RBM6: variants seen among roughly 807,000 people sequenced by gnomAD.
The protein encoded by RBM6 is RNA binding motif protein 6, also known as RNA-binding protein 6.
Under a neutral mutation model 140.4 loss-of-function variants are expected in RBM6, and 23 were observed. The ratio of observed to expected loss-of-function variants is 0.16; its 90% CI spans 0.12 to 0.23. The LOEUF is 0.23. Ranked by LOEUF, RBM6 falls within the 10% of genes least tolerant of loss-of-function variation. RBM6 has a pLI of 1.00. For missense variants in RBM6, 1,139 were observed against 1,386.7 expected, an observed-to-expected ratio of 0.82 and a Z score of 2.84; for synonymous variants, 439 against 475.6, an observed-to-expected ratio of 0.92 and a Z score of 1.00.
intron 6 of RBM6, 106 bp from the exon 7 acceptor site, chr3:50,048,135 CTCTT>C: frequency 6.7e-7 from 1 of 1,496,580 alleles, no homozygotes; most frequent in Non-Finnish European, 8.9e-7. Flanking sequence ...ATTAAGCTCA[CTCTT>C]TATAAAATGT....
chr3:49,966,149 A>G (rs1435986648), intron 2 of RBM6, among the ~76,000 whole-genome samples: 16 of 151,984 alleles, frequency 1.1e-4, no homozygotes, highest in Admixed American at 1.0e-3. Flanking sequence ...AAGAGAAAGA[A>G]AAGGTTTGGC....
chr3:50,062,105 G>T lies in RBM6; in HGVS notation c.2583G>T (p.Thr861=). 1.2e-6 allele frequency: 2 copies of T among 1,610,736 alleles called. No homozygotes were observed. The highest frequency in any genetic ancestry group is 1.7e-6 in the Non-Finnish European group (2 of 1,178,820). Reference sequence around the variant, plus strand: ...AGGAGAAAAAAGACAGAGGAGTGACGAGGGTAAGAGGAATTGTTAATTTGC... The same window carrying T: ...AGGAGAAAAAAGACAGAGGAGTGACTAGGGTAAGAGGAATTGTTAATTTGC... The part of the protein sequence containing the change: ...DGKEKKDRGV[T]RFQENASEGK... The change falls in exon 15 of 21, where the codon ACG becomes ACT. Residue 861 remains threonine, a synonymous_variant. Coordinates refer to ENST00000266022, the MANE Select transcript of RBM6 (RefSeq NM_005777.3).
chr3:49,951,840 A>T (rs1308796355), intron 1 of RBM6, among the ~76,000 whole-genome samples: 1 of 151,990 alleles, frequency 6.6e-6, no homozygotes, highest in African/African-American at 2.4e-5. Flanking sequence ...CTTCTGCCTC[A>T]ACCTCCCAAG....
At chr3:49,966,088 T>C (rs544126870) in intron 2 of RBM6, among the ~76,000 whole-genome samples, 30 of 152,234 alleles carry the variant, frequency 2.0e-4, no homozygotes, top group African/African-American at 7.0e-4. Flanking sequence ...ATCATGCCAT[T>C]GCACTCCAGC....
chr3:50,011,132 TAGG>T (rs1361345889), intron 6 of RBM6, among the ~76,000 whole-genome samples: 2 of 151,552 alleles, frequency 1.3e-5, no homozygotes, highest in African/African-American at 2.4e-5. Context: ...GAGGCTGAGA[TAGG>T]AGGATCACTT....
intron 6 of RBM6, among the ~76,000 whole-genome samples, chr3:49,999,769 G>GA (rs11293132): frequency 5.5e-4 from 80 of 145,094 alleles, no homozygotes; most frequent in South Asian, 8.9e-4. Flanking sequence ...ACAATAGTTG[G>GA]AAAAAAAAAA....
At position 49,982,606 on chromosome 3, in the gene RBM6, C is replaced by T. The variant is rs564989204; in HGVS notation, c.1483+7214C>T. ...ATTTTTTGTATTTTTTTAGTAGAGA[C>T]GGGGTTTCATCATGTTGGCCAGGCT... On this transcript the variant is annotated intron_variant, in intron 5 of 20. Coordinates refer to ENST00000266022, the MANE Select transcript of RBM6 (RefSeq NM_005777.3). 3.0e-3 allele frequency among the ~76,000 whole-genome samples: 450 copies of T among 151,762 alleles called. 4 individuals are homozygous for T. Among genetic ancestry groups the T allele is most frequent in the Middle Eastern group, 6.8e-3 (2 of 292 alleles).
intron 7 of RBM6, among the ~76,000 whole-genome samples, chr3:50,053,229 T>C (rs1227950182): frequency 1.3e-5 from 2 of 152,018 alleles, no homozygotes; most frequent in African/African-American, 4.8e-5. Context: ...ATACATGGTA[T>C]GTACTATTTA....
chr3:50,044,573 C>T (rs915567784), intron 6 of RBM6, among the ~76,000 whole-genome samples: 3 of 150,602 alleles, frequency 2.0e-5, no homozygotes, highest in Non-Finnish European at 4.4e-5. Context: ...CAGAGCGAGA[C>T]TCCGTCTCAA....
At chr3:50,005,292 T>A (rs12631608) in intron 6 of RBM6, among the ~76,000 whole-genome samples, 10,636 of 151,720 alleles carry the variant, frequency 0.07, 386 homozygotes, top group Non-Finnish European at 0.077. Flanking sequence ...AGCCCAGGAG[T>A]TGAGTCCAGC....
rs2088512178 is a variant in RBM6, at chr3:50,035,922, G to A, written c.1558-12323G>A. ...TTACAGGTGCCCACCACCATGTCTGGCTAATTTTTTTGTATTTTTAATAGA... is the reference window on the plus strand; with the variant it reads ...TTACAGGTGCCCACCACCATGTCTGACTAATTTTTTTGTATTTTTAATAGA... On this transcript the variant is annotated intron_variant, in intron 6 of 20. Transcript: ENST00000266022. Among the ~76,000 whole-genome samples the A allele has an allele frequency of 2.0e-5, 3 of 151,992 alleles. No homozygotes were observed. In the South Asian group the frequency reaches 6.2e-4, roughly 32 times the overall value.
At chr3:50,062,215 A>T in intron 15 of RBM6, 107 bp downstream of exon 15, 1 of 1,349,582 alleles carries the variant, frequency 7.4e-7, no homozygotes, top group Non-Finnish European at 9.9e-7. Flanking sequence ...CTTTAAAAAT[A>T]CTCTGTCAGC....
chr3:49,989,007 A>C (rs1189300369), intron 5 of RBM6, among the ~76,000 whole-genome samples: 1 of 152,158 alleles, frequency 6.6e-6, no homozygotes, highest in Non-Finnish European at 1.5e-5. Context: ...GTGGACTAGC[A>C]GGAATTCATA....
rs2090196536 is a variant in RBM6 at position 50,068,773 on chromosome 3, T to G, written c.3018+9T>G. On this transcript the variant is annotated intron_variant, in intron 18 of 20. Transcript: ENST00000266022. Reference sequence around the variant, plus strand: ...AAAGGAGAGAACGAGAGGTAAACTTTGGTGACCTATTACTCCCTTGACCTC... The same window carrying G: ...AAAGGAGAGAACGAGAGGTAAACTTGGGTGACCTATTACTCCCTTGACCTC... 6.2e-7 allele frequency: 1 copy of G among 1,612,216 alleles called. No individual in the cohort carries two copies.
intron 1 of RBM6, among the ~76,000 whole-genome samples, chr3:49,959,355 ATTTTTTT>A (rs1183057889): frequency 8.1e-6 from 1 of 123,268 alleles, no homozygotes. Flanking sequence ...CGCCTGGCTA[ATTTTTTT>A]TTTTTTTTTT....
chr3:50,054,218 T>C, intron 7 of RBM6, 117 bp from the exon 8 acceptor site: 1 of 822,982 alleles, frequency 1.2e-6, no homozygotes, highest in African/African-American at 1.7e-5. Flanking sequence ...TTTTTAAGCT[T>C]TGAGGGGATC....
intron 6 of RBM6, among the ~76,000 whole-genome samples, chr3:50,031,817 A>G (rs1465797113): frequency 6.6e-6 from 1 of 152,190 alleles, no homozygotes; most frequent in Admixed American, 6.5e-5. Flanking sequence ...ATAAAAAGAA[A>G]AAAATAAAAT....
At chr3:49,982,879 T>G (rs1402601086) in intron 5 of RBM6, among the ~76,000 whole-genome samples, 1 of 151,240 alleles carries the variant, frequency 6.6e-6, no homozygotes, top group East Asian at 1.9e-4. Context: ...GCCCAGCTAA[T>G]TTTTGTATTT....
chr3:50,054,546 C>T (rs1047538606), intron 8 of RBM6, 151 bp downstream of exon 8: 7 of 712,120 alleles, frequency 9.8e-6, no homozygotes, highest in African/African-American at 9.0e-5. Flanking sequence ...CGCTGTGTTG[C>T]CCAGGCTGGA....
Sources: allele counts gnomAD v4.1 joint callset (sites outside exome capture counted in the v4.1 genomes callset), GRCh38; gene constraint gnomAD v4.1.1; transcripts MANE v1.5; gene names NCBI Gene and HGNC (gene_info 2026-07-23, HGNC 2026-07-21).